Variants in MTX3 observed in about 807,000 individuals in gnomAD.
MTX3 encodes metaxin 3, also known as metaxin-3.
MTX3 carries 27 observed loss-of-function variants against 42.5 expected under a neutral mutation model. The ratio of observed to expected loss-of-function variants is 0.64; its 90% CI spans 0.47 to 0.88. MTX3 has a LOEUF of 0.88. MTX3 is among the 40% of genes least tolerant of loss of function. The probability of loss-of-function intolerance (pLI) is 0.00; values close to 1 mark genes in which losing one functional copy is unlikely to be tolerated. For missense variants in MTX3, 378 were observed against 367.0 expected, an observed-to-expected ratio of 1.03 and a Z score of -0.25; for synonymous variants, 144 against 132.9, an observed-to-expected ratio of 1.08 and a Z score of -0.57.
In MTX3 at chr5:79,981,607, A is replaced by G. The variant is rs1380333188; in HGVS notation, c.*2077T>C. ...AAACTTTAAACACATTTTTCTTCCT[A>G]ATAGACATTAGCAGTTTTGTTGAAA... On this transcript the variant is annotated 3_prime_UTR_variant, in exon 9 of 9. Coordinates refer to ENST00000512528, the MANE Select transcript of MTX3 (RefSeq NM_001363818.2). The G allele has an allele frequency of 6.6e-6, 1 of 152,186 alleles. No homozygotes were observed. Among genetic ancestry groups the G allele is most frequent in the Non-Finnish European group, 1.5e-5 (1 of 68,032 alleles). 9.4% of individuals were successfully genotyped at this position (152,186 alleles called of 1,614,324 possible).
At position 79,982,570 on chromosome 5, in the gene MTX3, C is replaced by T. The variant is rs1182984360; in HGVS notation, c.*1114G>A. 13 of 341,848 alleles carry T rather than the reference C, an allele frequency of 3.8e-5. No individual in the cohort carries two copies. The highest frequency in any genetic ancestry group is 3.2e-4 in the South Asian group (13 of 41,040). 21.2% of individuals were successfully genotyped at this position (341,848 alleles called of 1,614,324 possible). A position where few individuals can be genotyped will look rare whatever the true frequency, so the allele number is the denominator to read the frequency against. On this transcript the variant is annotated 3_prime_UTR_variant, in exon 9 of 9. Transcript: ENST00000512528. ...TTCTATTATAAGTAAAATTACCACA[C>T]AGCAAATCCCTTAACAGTTCAGCAA...
At chr5:79,983,875 G>C in intron 8 of MTX3, 81 bp from the exon 9 acceptor site, 1 of 847,786 alleles carries the variant, frequency 1.2e-6, no homozygotes, top group South Asian at 1.5e-5. Flanking sequence ...CCAAACTATA[G>C]CCTAGAAGAG....
rs1189802193 is a variant in MTX3, at chr5:79,977,079, GTAACA to G, written c.*6600_*6604del. 1 of 152,138 alleles carries G rather than the reference GTAACA, an allele frequency of 6.6e-6. No homozygotes were observed. The highest frequency in any genetic ancestry group is 2.4e-5 in the African/African-American group (1 of 41,430). The allele number at this position is 152,138 out of a possible 1,614,324, so 9.4% of individuals were successfully genotyped here. ...TCTTTACTGTCAATCTTTCAGAACA[GTAACA>G]TGACATTACAAACACCTCAAATTCC... is the stretch of plus-strand genomic sequence containing the variant. On this transcript the variant is annotated 3_prime_UTR_variant, in exon 9 of 9. Transcript: ENST00000512528.
At chr5:79,986,835 A>G in intron 7 of MTX3, 115 bp downstream of exon 7, 2 of 961,650 alleles carry the variant, frequency 2.1e-6, no homozygotes, top group Non-Finnish European at 3.1e-6. Flanking sequence ...AGTGCTATAA[A>G]CCACTATTTA....
intron 7 of MTX3, among the ~76,000 whole-genome samples, chr5:79,986,149 T>TA (rs1831484983): frequency 6.6e-6 from 1 of 152,166 alleles, no homozygotes. Context: ...TCTAATTTAG[T>TA]AAGTCTGGAA....
chr5:79,987,176 A>C, intron 6 of MTX3, 69 bp from the exon 7 acceptor site: 335 of 1,413,046 alleles, frequency 2.4e-4, no homozygotes, highest in Non-Finnish European at 3.1e-4. Context: ...GTGGTGGCTC[A>C]TGCCTGTAAT....
chr5:79,985,144 G>T (rs1390667241), intron 8 of MTX3, among the ~76,000 whole-genome samples: 3 of 152,102 alleles, frequency 2.0e-5, no homozygotes, highest in African/African-American at 4.8e-5. Context: ...ACCATGCCCG[G>T]CTAATTTTTT....
chr5:79,988,176 A>T, intron 6 of MTX3, 63 bp downstream of exon 6: 1 of 945,836 alleles, frequency 1.1e-6, no homozygotes, highest in Non-Finnish European at 1.7e-6. Context: ...GACTTGCTTT[A>T]AATAGCTGCT....
In MTX3 at chr5:79,988,652, A is replaced by G. The variant is rs774346571; in HGVS notation, c.322-8T>C. On this transcript the variant is annotated splice_polypyrimidine_tract_variant and splice_region_variant and intron_variant, in intron 4 of 8. Transcript: ENST00000512528. ...AACCCAGAATGTGTGAAGCTGCAAA[A>G]GAAGAGAAAAAACACTACAAGGATG... 5 of 1,562,376 alleles carry G rather than the reference A, an allele frequency of 3.2e-6. No individual in the cohort carries two copies. The highest frequency in any genetic ancestry group is 4.3e-6 in the Non-Finnish European group (5 of 1,153,986).
At chr5:79,987,774 GAA>G (rs1470310986) in intron 6 of MTX3, among the ~76,000 whole-genome samples, 1 of 152,138 alleles carries the variant, frequency 6.6e-6, no homozygotes, top group Non-Finnish European at 1.5e-5. Flanking sequence ...ATCACTGGTA[GAA>G]AAAGTTTCCT....
intron 7 of MTX3, chr5:79,986,709 A>G: frequency 1.8e-6 from 1 of 563,044 alleles, no homozygotes; most frequent in Middle Eastern, 3.2e-4. Context: ...TTTAAAGAAC[A>G]AGAAGAAGAA....
intron 7 of MTX3, chr5:79,986,639 G>T: frequency 2.1e-6 from 1 of 468,660 alleles, no homozygotes; most frequent in South Asian, 1.7e-5. Context: ...TTTCAGCAAA[G>T]ACTTAATACC....
rs754527397 is a variant in MTX3, at chr5:79,990,779, G to A, written c.82-116C>T. On this transcript the variant is annotated intron_variant, in intron 1 of 8. Transcript: ENST00000512528. The stretch of plus-strand genomic sequence containing the variant: ...GCAGAAGGCGACTGATACTGAGGCC[G>A]CATCCCTCCCCGTGATCTCAAGTAG... 8.8e-5 allele frequency: 71 copies of A among 805,374 alleles called. No homozygotes were observed. In the African/African-American group the frequency reaches 1.1e-3, roughly 13 times the overall value. 49.9% of individuals were successfully genotyped at this position (805,374 alleles called of 1,614,324 possible).
intron 1 of MTX3, 197 bp downstream of exon 1, chr5:79,990,961 C>T: frequency 2.8e-6 from 2 of 727,076 alleles, no homozygotes; most frequent in Non-Finnish European, 4.9e-6. Context: ...GCGGAGAAGC[C>T]TTGATGTCGC....
At position 79,991,092 on chromosome 5, in the gene MTX3, C is replaced by A. The variant is rs566946232; in HGVS notation, c.81+66G>T. The A allele has an allele frequency of 1.3e-4, 190 of 1,450,522 alleles. 1 individual carries two copies. The highest frequency in any genetic ancestry group is 1.7e-4 in the Non-Finnish European group (181 of 1,056,194). The allele number at this position is 1,450,522 out of a possible 1,614,324, so 89.9% of individuals were successfully genotyped here. A position where few individuals can be genotyped will look rare whatever the true frequency, so the allele number is the denominator to read the frequency against. ...CCCGCAGCGCAGCGGGAAACTGGGG[C>A]AAGTCAGCCTGGCGCCTCCAGCCCC... On this transcript the variant is annotated intron_variant, in intron 1 of 8. Transcript: ENST00000512528.
In MTX3 at chr5:79,982,437, C is replaced by T. The variant is rs1037001623; in HGVS notation, c.*1247G>A. On this transcript the variant is annotated 3_prime_UTR_variant, in exon 9 of 9. Coordinates refer to ENST00000512528, the MANE Select transcript of MTX3 (RefSeq NM_001363818.2). ...ACGACTTGATAAGATTTGCTGAGCA[C>T]CACAGTAATCTTTTAAGACACTAAT... 2.2e-6 allele frequency: 1 copy of T among 456,282 alleles called. No individual in the cohort carries two copies. Among genetic ancestry groups the T allele is most frequent in the East Asian group, 6.9e-5 (1 of 14,402 alleles). The allele number at this position is 456,282 out of a possible 1,614,324, so 28.3% of individuals were successfully genotyped here.
rs1246174908 is a variant in MTX3 at position 79,979,124 on chromosome 5, G to A, written c.*4560C>T. 6.6e-6 allele frequency: 1 copy of A among 152,514 alleles called. No individual in the cohort carries two copies. The highest frequency in any genetic ancestry group is 1.5e-5 in the Non-Finnish European group (1 of 68,010). 9.4% of individuals were successfully genotyped at this position (152,514 alleles called of 1,614,324 possible). On this transcript the variant is annotated 3_prime_UTR_variant, in exon 9 of 9. Coordinates refer to ENST00000512528, the MANE Select transcript of MTX3 (RefSeq NM_001363818.2). ...ACTTCAATCACAATTTAAGTCCAGG[G>A]CAGGTATCCTGGGCTCCTAGCAAAC...
At chr5:79,990,895 G>C (rs1402653205) in intron 1 of MTX3, 3 of 707,982 alleles carry the variant, frequency 4.2e-6, no homozygotes, top group Admixed American at 2.0e-5. Flanking sequence ...CCCTTGCTTC[G>C]GGGTTTCACT....
At chr5:79,985,518 G>T in intron 8 of MTX3, 53 bp downstream of exon 8, 1 of 1,208,092 alleles carries the variant, frequency 8.3e-7, no homozygotes, top group South Asian at 1.3e-5. Context: ...GACAATATTA[G>T]CTACCGAAAG....
Sources: gnomAD v4.1 joint callset for allele counts (sites outside exome capture counted in the v4.1 genomes callset) on GRCh38, gnomAD v4.1.1 for gene constraint, MANE v1.5 for transcripts, NCBI Gene and HGNC (gene_info 2026-07-23, HGNC 2026-07-21) for gene names.